The following ERBIN variants were observed in gnomAD, a reference collection of about 807,000 sequenced individuals.
ERBIN encodes densin-180-like protein.
In ERBIN, 60 loss-of-function variants were observed where a neutral mutation model predicts 158.4. That is an observed-to-expected ratio of 0.38 (90% CI 0.31 to 0.47). The LOEUF (loss-of-function observed/expected upper bound fraction) is 0.47, where lower values mean the gene tolerates loss of function less well. Ranked by LOEUF, ERBIN falls within the 20% of genes least tolerant of loss-of-function variation. The pLI is 0.99. For synonymous variants in ERBIN, 594 were observed against 557.2 expected (o/e 1.07, Z -0.93); for missense variants, 1,610 against 1,648.0 (o/e 0.98, Z 0.40).
intron 9 of ERBIN, among the ~76,000 whole-genome samples, chr5:66,024,088 A>G (rs1054532984): frequency 2.6e-5 from 4 of 152,146 alleles, no homozygotes; most frequent in Non-Finnish European, 4.4e-5. Flanking sequence ...TTCCCAAAGA[A>G]TATGTCCTTT....
rs147578669 is a variant in ERBIN, at chr5:65,942,838, G to C, written c.-58+16032G>C. On this transcript the variant is annotated intron_variant, in intron 1 of 25. Coordinates refer to ENST00000284037, the MANE Select transcript of ERBIN (RefSeq NM_001253697.2). ...TACTCGGGAGGCTTGAACTCAGGAGGCGGAGGCTGTGGCGAGCTGAGGTCA... is the reference window on the plus strand; with the variant it reads ...TACTCGGGAGGCTTGAACTCAGGAGCCGGAGGCTGTGGCGAGCTGAGGTCA... 4.3e-4 allele frequency among the ~76,000 whole-genome samples: 65 copies of C among 151,714 alleles called. 1 individual carries two copies. In the East Asian group the frequency reaches 0.013, roughly 29 times the overall value.
chr5:65,994,762 C>A lies in ERBIN; in HGVS notation c.205C>A (p.Gln69Lys). ...EELPKQLFNC[Q>K]SLHKLSLPDN... ...TTTTCAATAGCAACTTTTTAACTGT[C>A]AGTCTTTACACAAACTGAGTTTGCC... is the stretch of plus-strand genomic sequence containing the variant. The change falls in exon 4 of 26, where the codon CAG (glutamine) becomes AAG (lysine). Residue 69 changes from glutamine (Q) to lysine (K), a missense_variant. By Grantham distance (53) the Gln-to-Lys change is moderately conservative. Coordinates refer to ENST00000284037, the MANE Select transcript of ERBIN (RefSeq NM_001253697.2). 1 of 1,595,314 alleles carries A rather than the reference C, an allele frequency of 6.3e-7. No homozygotes were observed. Among genetic ancestry groups the A allele is most frequent in the Non-Finnish European group, 8.5e-7 (1 of 1,172,356 alleles).
rs1220391742 is a variant in ERBIN, at chr5:66,043,144, T to C, written c.1374T>C (p.Ala458=). 1.9e-6 allele frequency: 3 copies of C among 1,613,318 alleles called. No homozygotes were observed. The highest frequency in any genetic ancestry group is 2.2e-5 in the South Asian group (2 of 91,060). Residue 458 remains alanine (A), a synonymous_variant, in exon 16 of 26, where the codon GCT becomes GCC. Coordinates refer to ENST00000284037, the MANE Select transcript of ERBIN (RefSeq NM_001253697.2). ...SLWEEQRKQR[A]QVAFECDEDK... is the part of the protein sequence containing the mutation. ...GGGAGGAACAGAGGAAACAGCGGGC[T>C]CAAGTTGCATTTGAATGTGATGAAG...
At chr5:66,074,291 C>G (rs1761786198) in intron 22 of ERBIN, among the ~76,000 whole-genome samples, 1 of 151,916 alleles carries the variant, frequency 6.6e-6, no homozygotes, top group Non-Finnish European at 1.5e-5. Context: ...AAATGAGAGG[C>G]ATTAAAACAA....
At chr5:65,964,947 AT>A (rs772634145) in intron 1 of ERBIN, among the ~76,000 whole-genome samples, 919 of 75,640 alleles carry the variant, frequency 0.012, 23 homozygotes, top group African/African-American at 0.065. Flanking sequence ...TGTGTGTGTA[AT>A]TTTTTTTTTT....
rs200672807 is a variant in ERBIN at position 66,054,196 on chromosome 5, G to T, written c.2878G>T (p.Gly960Cys). 39 of 1,613,856 alleles carry T rather than the reference G, an allele frequency of 2.4e-5. No individual in the cohort carries two copies. The highest frequency in any genetic ancestry group is 2.0e-4 in the African/African-American group (15 of 74,854). Residue 960 changes from glycine to cysteine, a missense_variant, in exon 21 of 26, where the codon GGC (glycine) becomes TGC (cysteine). Transcript: ENST00000284037. ...TCCCGAAGAGCCAAATATAATAAGAGGCCCCACAAGTGGCCCACAATCTGC... is the reference window on the plus strand; with the variant it reads ...TCCCGAAGAGCCAAATATAATAAGATGCCCCACAAGTGGCCCACAATCTGC... Reference protein sequence around the residue: ...HNPEEPNIIRGPTSGPQSAPQ... With the variant: ...HNPEEPNIIRCPTSGPQSAPQ...
chr5:66,062,122 A>G (rs1760455365), intron 21 of ERBIN, among the ~76,000 whole-genome samples: 1 of 150,130 alleles, frequency 6.7e-6, no homozygotes, highest in South Asian at 2.1e-4. Context: ...TCTCCTGGAT[A>G]ATATCCTGCA....
chr5:66,034,656 T>C (rs1561404354), intron 14 of ERBIN, among the ~76,000 whole-genome samples: 1 of 151,478 alleles, frequency 6.6e-6, no homozygotes, highest in Non-Finnish European at 1.5e-5. Context: ...TTAGGAAACA[T>C]AGAAGGATTT....
chr5:65,939,143 T>TA (rs1267897134), intron 1 of ERBIN, among the ~76,000 whole-genome samples: 5 of 151,834 alleles, frequency 3.3e-5, no homozygotes, highest in Admixed American at 1.3e-4. Flanking sequence ...AGAAAATCAA[T>TA]AAAAAAATAC....
intron 10 of ERBIN, 85 bp downstream of exon 10, chr5:66,024,535 G>GTAGT (rs753064129): frequency 1.9e-5 from 26 of 1,333,634 alleles, no homozygotes; most frequent in Non-Finnish European, 2.7e-5. Flanking sequence ...TTGTTATGAG[G>GTAGT]TAGTTATACT....
chr5:65,929,754 C>T (rs1427196392), intron 1 of ERBIN, among the ~76,000 whole-genome samples: 1 of 151,572 alleles, frequency 6.6e-6, no homozygotes, highest in Non-Finnish European at 1.5e-5. Flanking sequence ...GATTCTCCTG[C>T]TTCAGCCTCC....
intron 14 of ERBIN, among the ~76,000 whole-genome samples, chr5:66,035,693 A>AT (rs1028056245): frequency 6.6e-6 from 1 of 152,120 alleles, no homozygotes; most frequent in African/African-American, 2.4e-5. Context: ...CATATTCCTA[A>AT]TTTTTTTCGA....
chr5:66,072,373 T>A, intron 22 of ERBIN, 82 bp downstream of exon 22: 1 of 1,348,888 alleles, frequency 7.4e-7, no homozygotes, highest in Non-Finnish European at 9.7e-7. Flanking sequence ...ATATGTGCTT[T>A]AGATGAAAAT....
At chr5:66,009,744 C>T (rs1754007041) in intron 4 of ERBIN, among the ~76,000 whole-genome samples, 1 of 152,146 alleles carries the variant, frequency 6.6e-6, no homozygotes, top group Non-Finnish European at 1.5e-5. Context: ...AAATTCCTGT[C>T]TCCCATCTTC....
At chr5:65,941,604 A>T (rs1489602630) in intron 1 of ERBIN, among the ~76,000 whole-genome samples, 2 of 151,594 alleles carry the variant, frequency 1.3e-5, no homozygotes, top group South Asian at 2.1e-4. Context: ...TTATTTAATT[A>T]TTGTAGTAGG....
chr5:65,967,764 T>C (rs1204219214), intron 1 of ERBIN, among the ~76,000 whole-genome samples: 1 of 152,256 alleles, frequency 6.6e-6, no homozygotes, highest in South Asian at 2.1e-4. Context: ...AACTTAGTGA[T>C]ATTATAAACC....
intron 1 of ERBIN, among the ~76,000 whole-genome samples, chr5:65,973,259 G>T (rs940963190): frequency 1.3e-5 from 2 of 150,844 alleles, no homozygotes; most frequent in African/African-American, 5.0e-5. Flanking sequence ...GTTGTGGGGT[G>T]GGGGGAGCGG....
intron 21 of ERBIN, among the ~76,000 whole-genome samples, chr5:66,057,070 T>C (rs1449024402): frequency 6.6e-6 from 1 of 152,226 alleles, no homozygotes; most frequent in Non-Finnish European, 1.5e-5. Context: ...TCATGTTTTA[T>C]AAACCACATT....
chr5:66,023,157 C>A, intron 8 of ERBIN, 133 bp from the exon 9 acceptor site: 1 of 639,764 alleles, frequency 1.6e-6, no homozygotes, highest in South Asian at 2.0e-5. Flanking sequence ...TTTTATTTTT[C>A]CTTCTCCCTG....
Sources: allele counts gnomAD v4.1 joint callset (sites outside exome capture counted in the v4.1 genomes callset), GRCh38; gene constraint gnomAD v4.1.1; transcripts MANE v1.5; gene names NCBI Gene and HGNC (gene_info 2026-07-23, HGNC 2026-07-21).